The following SCCPDH variants were observed in gnomAD, a reference collection of about 807,000 sequenced individuals.
The protein encoded by SCCPDH is saccharopine dehydrogenase (putative), also known as saccharopine dehydrogenase-like oxidoreductase.
Under a neutral mutation model 51.5 loss-of-function variants are expected in SCCPDH, and 34 were observed. The ratio of observed to expected loss-of-function variants is 0.66; its 90% confidence interval spans 0.50 to 0.88. SCCPDH has a LOEUF of 0.88. Ranked by LOEUF, SCCPDH falls within the 40% of genes least tolerant of loss-of-function variation. SCCPDH has a pLI of 0.00. For synonymous variants in SCCPDH, 187 were observed against 191.3 expected (o/e 0.98, Z 0.19); for missense variants, 464 against 527.1 (o/e 0.88, Z 1.17).
In SCCPDH at chr1:246,736,108, A is replaced by G. The variant is rs1383338033; in HGVS notation, c.384+53A>G. On this transcript the variant is annotated intron_variant, in intron 3 of 11. Transcript: ENST00000366510. ...GAATTAACACATAAATTTCGGTTTA[A>G]TGAAGTGGAAATATTTAGTGTAATT... 4.2e-6 allele frequency: 5 copies of G among 1,195,040 alleles called. No individual in the cohort carries two copies. In the East Asian group the frequency reaches 1.2e-4, roughly 28 times the overall value. 74.0% of individuals were successfully genotyped at this position (1,195,040 alleles called of 1,614,324 possible). A position where few individuals can be genotyped will look rare whatever the true frequency, so the allele number is the denominator to read the frequency against.
chr1:246,744,317 TA>T (rs1668724671), intron 5 of SCCPDH, among the ~76,000 whole-genome samples, 192 bp downstream of exon 5: 1 of 151,788 alleles, frequency 6.6e-6, no homozygotes, highest in Non-Finnish European at 1.5e-5. Flanking sequence ...TATTTTATTT[TA>T]TTTATTTATT....
At chr1:246,750,435 T>G (rs1459964332) in intron 5 of SCCPDH, among the ~76,000 whole-genome samples, 1 of 152,174 alleles carries the variant, frequency 6.6e-6, no homozygotes, top group Non-Finnish European at 1.5e-5. Flanking sequence ...GCAGTTCAGA[T>G]TCTAGGCAGG....
intron 5 of SCCPDH, among the ~76,000 whole-genome samples, chr1:246,748,168 T>TA (rs1362649608): frequency 1.3e-5 from 2 of 151,910 alleles, no homozygotes; most frequent in Non-Finnish European, 2.9e-5. Flanking sequence ...AAGGGAGGTT[T>TA]TAGTTAGTGC....
intron 3 of SCCPDH, among the ~76,000 whole-genome samples, chr1:246,736,709 A>G (rs532606477): frequency 4.6e-5 from 7 of 152,160 alleles, no homozygotes; most frequent in Non-Finnish European, 1.0e-4. Context: ...TCTGTCTCAA[A>G]AAAAAAAAGA....
rs1481552831 is a variant in SCCPDH, at chr1:246,759,170, T to C, written c.813+19T>C. The C allele has an allele frequency of 2.4e-6, 3 of 1,237,704 alleles. No homozygotes were observed. Among genetic ancestry groups the C allele is most frequent in the East Asian group, 2.3e-5 (1 of 43,160 alleles). The allele number at this position is 1,237,704 out of a possible 1,614,324, so 76.7% of individuals were successfully genotyped here. ...ATCACCAGTAAGTATATATGGTTTA[T>C]TTATCAATAAAGTGTGTGTTACAGT... On this transcript the variant is annotated intron_variant, in intron 7 of 11. Transcript: ENST00000366510.
At chr1:246,730,208 A>G (rs1047895010) in intron 2 of SCCPDH, among the ~76,000 whole-genome samples, 5 of 152,014 alleles carry the variant, frequency 3.3e-5, no homozygotes, top group South Asian at 2.1e-4. Flanking sequence ...CCCTCCTCCA[A>G]TGAAACTACT....
intron 5 of SCCPDH, among the ~76,000 whole-genome samples, chr1:246,751,603 T>G (rs1040401999): frequency 3.9e-5 from 6 of 152,244 alleles, no homozygotes; most frequent in Non-Finnish European, 8.8e-5. Flanking sequence ...TTTTCAATTA[T>G]ATGACATTTC....
intron 3 of SCCPDH, among the ~76,000 whole-genome samples, chr1:246,738,525 A>G (rs1466060919): frequency 6.6e-6 from 1 of 150,734 alleles, no homozygotes; most frequent in Non-Finnish European, 1.5e-5. Flanking sequence ...AAAAAAACCC[A>G]GAGTATTTAA....
At position 246,761,446 on chromosome 1, in the gene SCCPDH, A is replaced by G. The variant is rs867688577; in HGVS notation, c.990+1219A>G. On this transcript the variant is annotated intron_variant, in intron 9 of 11. Coordinates refer to ENST00000366510, the MANE Select transcript of SCCPDH (RefSeq NM_016002.3). ...CCATCTTAACCATTTAAAAATGCTG[A>G]GTGGTATTAAGTACATTCATCTTTT... Among the ~76,000 whole-genome samples, 32 of 152,342 alleles carry G rather than the reference A, an allele frequency of 2.1e-4. No homozygotes were observed. The South Asian group carries it at 4.8e-3, about 23-fold the overall frequency.
intron 5 of SCCPDH, among the ~76,000 whole-genome samples, chr1:246,751,424 C>CA (rs1396796767): frequency 6.6e-6 from 1 of 152,170 alleles, no homozygotes; most frequent in Admixed American, 6.5e-5. Context: ...ATTAACTTTT[C>CA]AAACCTTGCT....
chr1:246,739,710 T>TA (rs1456019111), intron 3 of SCCPDH, among the ~76,000 whole-genome samples: 1 of 152,172 alleles, frequency 6.6e-6, no homozygotes, highest in Non-Finnish European at 1.5e-5. Context: ...AAACTGTTTT[T>TA]AAAAAGGAAT....
chr1:246,730,466 G>A (rs533170303), intron 2 of SCCPDH, among the ~76,000 whole-genome samples: 37 of 152,266 alleles, frequency 2.4e-4, no homozygotes, highest in African/African-American at 7.2e-4. Context: ...CAGGCATTAG[G>A]TTGCAGTAAA....
intron 9 of SCCPDH, among the ~76,000 whole-genome samples, chr1:246,762,190 CA>C (rs1436810585): frequency 6.6e-6 from 1 of 152,096 alleles, no homozygotes; most frequent in Non-Finnish European, 1.5e-5. Flanking sequence ...AAAATATTTT[CA>C]AATCATATAT....
chr1:246,762,917 G>GTTCTGATT (rs1472189677), intron 9 of SCCPDH, among the ~76,000 whole-genome samples: 1 of 151,094 alleles, frequency 6.6e-6, no homozygotes, highest in Non-Finnish European at 1.5e-5. Context: ...GCTTCTGGAC[G>GTTCTGATT]TTCTGATTCA....
chr1:246,724,427 C>T lies in SCCPDH; in HGVS notation c.5C>T (p.Ala2Val), dbSNP rs1356645790. The change falls in exon 1 of 12, where the codon GCG (alanine) becomes GTG (valine). Residue 2 changes from alanine to valine, a missense_variant. Coordinates refer to ENST00000366510, the MANE Select transcript of SCCPDH (RefSeq NM_016002.3). ...TGGGCTCGCTGTGGACTCGTCATGG[C>T]GACCGAGCAGAGGCCTTTCCACCTG... is the stretch of plus-strand genomic sequence containing the variant. M[A>V]TEQRPFHLVV... 6 of 1,571,526 alleles carry T rather than the reference C, an allele frequency of 3.8e-6. No individual in the cohort carries two copies. The highest frequency in any genetic ancestry group is 5.2e-6 in the Non-Finnish European group (6 of 1,162,270).
intron 3 of SCCPDH, among the ~76,000 whole-genome samples, chr1:246,739,743 A>C (rs932789277): frequency 1.8e-4 from 27 of 152,204 alleles, no homozygotes; most frequent in African/African-American, 6.3e-4. Context: ...GCAGAAGAGC[A>C]GAGCAGACAT....
Position 246,758,334 on chromosome 1 carries a change from A to T in SCCPDH, c.673A>T (p.Ile225Phe), listed in dbSNP as rs955769617. The T allele has an allele frequency of 2.5e-6, 4 of 1,605,690 alleles. No individual in the cohort carries two copies. Among genetic ancestry groups the T allele is most frequent in the African/African-American group, 2.7e-5 (2 of 74,550 alleles). The change falls in exon 6 of 12, where the codon ATT becomes TTT. Residue 225 changes from isoleucine to phenylalanine, a missense_variant. Transcript: ENST00000366510. ...ATCAAATCTGAAACCTGTCCCGCTCATTGGTCCAAAATTGAAGAGAAGGTA... is the reference window on the plus strand; with the variant it reads ...ATCAAATCTGAAACCTGTCCCGCTCTTTGGTCCAAAATTGAAGAGAAGGTA... Reference protein sequence around the residue: ...NVSNLKPVPLIGPKLKRRWPI... With the variant: ...NVSNLKPVPLFGPKLKRRWPI...
At chr1:246,759,204 C>A in intron 7 of SCCPDH, 53 bp downstream of exon 7, 1 of 980,386 alleles carries the variant, frequency 1.0e-6, no homozygotes, top group Non-Finnish European at 1.6e-6. Context: ...GTTCCTCTTT[C>A]TATTCAGTGT....
intron 5 of SCCPDH, among the ~76,000 whole-genome samples, chr1:246,744,895 G>A (rs1668735726): frequency 6.6e-6 from 1 of 152,106 alleles, no homozygotes; most frequent in Admixed American, 6.6e-5. Flanking sequence ...CAAAGTGCTG[G>A]GATTATAGGC....
Sources: gnomAD v4.1 joint callset for allele counts (sites outside exome capture counted in the v4.1 genomes callset) on GRCh38, gnomAD v4.1.1 for gene constraint, MANE v1.5 for transcripts, NCBI Gene and HGNC (gene_info 2026-07-23, HGNC 2026-07-21) for gene names.